The following SYT1 variants were observed in gnomAD, a reference collection of about 807,000 sequenced individuals.
SYT1 encodes the protein synaptotagmin 1.
A neutral mutation model predicts 44.8 loss-of-function variants in SYT1; 8 were observed. The observed-to-expected ratio is 0.18, with a 90% CI of 0.10 to 0.32. The LOEUF is 0.32. Ranked by LOEUF, SYT1 falls within the 10% of genes least tolerant of loss-of-function variation. The pLI, the probability that SYT1 is intolerant of heterozygous loss-of-function variation, is 1.00. For missense variants in SYT1, 286 were observed against 509.3 expected (o/e 0.56, Z 4.22); for synonymous variants, 154 against 188.8 (o/e 0.82, Z 1.51).
intron 9 of SYT1, among the ~76,000 whole-genome samples, chr12:79,409,802 C>T (rs1472046006): frequency 5.3e-5 from 8 of 151,972 alleles, no homozygotes; most frequent in African/African-American, 1.2e-4. Flanking sequence ...TGAGTTCCAG[C>T]GAGTTTCTCT....
At chr12:78,950,189 C>T (rs1592596777) in intron 1 of SYT1, among the ~76,000 whole-genome samples, 1 of 152,094 alleles carries the variant, frequency 6.6e-6, no homozygotes, top group Middle Eastern at 3.4e-3. Context: ...TAACATTTTG[C>T]TATAGACTAG....
chr12:79,133,718 A>G (rs1416460255), intron 3 of SYT1, among the ~76,000 whole-genome samples: 2 of 152,234 alleles, frequency 1.3e-5, no homozygotes, highest in Non-Finnish European at 2.9e-5. Flanking sequence ...TACAAAAAAA[A>G]TTAAACTTTG....
At chr12:79,007,249 C>A (rs1871151760) in intron 2 of SYT1, among the ~76,000 whole-genome samples, 1 of 152,078 alleles carries the variant, frequency 6.6e-6, no homozygotes, top group South Asian at 2.1e-4. Flanking sequence ...TTTATCAAGT[C>A]CCTCCTCCTC....
intron 9 of SYT1, among the ~76,000 whole-genome samples, chr12:79,374,659 G>A (rs900480292): frequency 2.0e-5 from 3 of 152,218 alleles, no homozygotes; most frequent in African/African-American, 4.8e-5. Context: ...GGGAAACACT[G>A]GATGGGTAGC....
chr12:78,924,227 C>A (rs916744577), intron 1 of SYT1, among the ~76,000 whole-genome samples: 5 of 151,894 alleles, frequency 3.3e-5, no homozygotes, highest in African/African-American at 1.2e-4. Context: ...TAACTTCAAT[C>A]ACTTTATTAT....
At chr12:79,347,968 T>G (rs920366171) in intron 8 of SYT1, among the ~76,000 whole-genome samples, 2 of 152,036 alleles carry the variant, frequency 1.3e-5, no homozygotes, top group Admixed American at 1.3e-4. Flanking sequence ...CATACCAGTA[T>G]CTAGGAGAAT....
intron 4 of SYT1, among the ~76,000 whole-genome samples, chr12:79,234,772 G>A (rs146910969): frequency 0.013 from 1,871 of 145,294 alleles, 43 homozygotes; most frequent in African/African-American, 0.043. Context: ...GTGCAGTGGC[G>A]CAATCTTGGC....
chr12:79,200,625 C>T (rs1242473285), intron 3 of SYT1, among the ~76,000 whole-genome samples: 1 of 152,138 alleles, frequency 6.6e-6, no homozygotes, highest in African/African-American at 2.4e-5. Context: ...TCTACTGGTA[C>T]CTGCCCAGGC....
chr12:78,914,354 T>C (rs1302078736), intron 1 of SYT1, among the ~76,000 whole-genome samples: 1 of 151,776 alleles, frequency 6.6e-6, no homozygotes, highest in Non-Finnish European at 1.5e-5. Context: ...AATGGAAAAA[T>C]TCTATTTCCT....
chr12:78,995,894 T>C (rs1293816658), intron 2 of SYT1: 1 of 152,208 alleles, frequency 6.6e-6, no homozygotes, highest in African/African-American at 2.4e-5. Flanking sequence ...TGTGGTGTTA[T>C]TTGCATTCAG....
At chr12:79,444,523 C>T (rs1235132052) in intron 10 of SYT1, among the ~76,000 whole-genome samples, 1 of 152,148 alleles carries the variant, frequency 6.6e-6, no homozygotes, top group Admixed American at 6.6e-5. Context: ...AAACTATGAG[C>T]TTTCACTATT....
At chr12:78,894,354 TTTTTTTTTTTTG>T (rs1875237120) in intron 1 of SYT1, among the ~76,000 whole-genome samples, 1 of 127,256 alleles carries the variant, frequency 7.9e-6, no homozygotes, top group Non-Finnish European at 1.7e-5. Flanking sequence ...TTTTTTTTTT[TTTTTTTTTTTTG>T]TGATCACCAT....
chr12:78,935,034 G>A (rs1327338915), intron 1 of SYT1, among the ~76,000 whole-genome samples: 1 of 152,162 alleles, frequency 6.6e-6, no homozygotes, highest in African/African-American at 2.4e-5. Flanking sequence ...CATTTCCAAT[G>A]AATGAAATGC....
intron 3 of SYT1, among the ~76,000 whole-genome samples, chr12:79,103,588 A>C (rs1217214447): frequency 6.6e-6 from 1 of 152,056 alleles, no homozygotes; most frequent in Non-Finnish European, 1.5e-5. Flanking sequence ...GGTATTCAAA[A>C]AGTTTTAATT....
At chr12:79,378,386 G>A (rs1243194833) in intron 9 of SYT1, among the ~76,000 whole-genome samples, 1 of 152,150 alleles carries the variant, frequency 6.6e-6, no homozygotes, top group Non-Finnish European at 1.5e-5. Context: ...AAATTTCAAA[G>A]AGAACAGTCC....
chr12:79,114,502 T>C (rs567775962), intron 3 of SYT1, among the ~76,000 whole-genome samples: 84 of 152,206 alleles, frequency 5.5e-4, no homozygotes, highest in African/African-American at 2.0e-3. Flanking sequence ...AACTCCCATG[T>C]CTTAAGCCCA....
chr12:79,038,339 G>C (rs897011851), intron 2 of SYT1, among the ~76,000 whole-genome samples: 1 of 151,192 alleles, frequency 6.6e-6, no homozygotes, highest in Non-Finnish European at 1.5e-5. Flanking sequence ...TTCATCTACT[G>C]TCCTAATAAT....
intron 1 of SYT1, chr12:78,955,326 C>A (rs1483614809): frequency 1.3e-5 from 2 of 152,020 alleles, no homozygotes; most frequent in Non-Finnish European, 2.9e-5. Context: ...TGCCATAACA[C>A]CAGTTGTGCC....
intron 9 of SYT1, among the ~76,000 whole-genome samples, chr12:79,442,125 C>G (rs954659018): frequency 6.6e-6 from 1 of 152,180 alleles, no homozygotes; most frequent in Non-Finnish European, 1.5e-5. Flanking sequence ...CTATGCCTCA[C>G]TTAGGTTGAC....
Sources: allele counts gnomAD v4.1 joint callset (sites outside exome capture counted in the v4.1 genomes callset), GRCh38; gene constraint gnomAD v4.1.1; transcripts MANE v1.5; gene names NCBI Gene and HGNC (gene_info 2026-07-23, HGNC 2026-07-21).